ARID4A: variants seen among roughly 807,000 people sequenced by gnomAD.
The protein encoded by ARID4A is AT-rich interaction domain 4A.
Under a neutral mutation model 148.6 loss-of-function variants are expected in ARID4A, and 39 were observed. The ratio of observed to expected loss-of-function variants is 0.26; its 90% CI spans 0.20 to 0.34. ARID4A has a LOEUF of 0.34. Among genes scored for constraint, ARID4A ranks in the 10% least tolerant of loss-of-function variants. ARID4A has a pLI of 1.00. For synonymous variants in ARID4A, 475 were observed against 481.2 expected (o/e 0.99, Z 0.17); for missense variants, 1,265 against 1,449.1 (o/e 0.87, Z 2.06).
intron 17 of ARID4A, among the ~76,000 whole-genome samples, chr14:58,357,680 T>A (rs2034946896): frequency 6.6e-6 from 1 of 151,714 alleles, no homozygotes; most frequent in African/African-American, 2.4e-5. Flanking sequence ...CCAAGACAAT[T>A]CTTCTTCCAT....
intron 11 of ARID4A, among the ~76,000 whole-genome samples, chr14:58,337,545 A>G (rs765685530): frequency 1.0e-3 from 158 of 152,194 alleles, no homozygotes; most frequent in Non-Finnish European, 1.7e-3. Context: ...GGTTCTAGAA[A>G]GTTCACCTTG....
chr14:58,339,436 T>G (rs1249661214), intron 11 of ARID4A, among the ~76,000 whole-genome samples: 1 of 152,164 alleles, frequency 6.6e-6, no homozygotes, highest in East Asian at 1.9e-4. Context: ...GGCTCCGATA[T>G]GTTATACGCT....
In ARID4A at chr14:58,367,045, T is replaced by C. The variant is rs756032714; in HGVS notation, c.3670+16T>C. 1.9e-5 allele frequency: 27 copies of C among 1,442,116 alleles called. 1 individual carries two copies. The South Asian group carries it at 4.3e-4, about 23-fold the overall frequency. The allele number at this position is 1,442,116 out of a possible 1,614,324, so 89.3% of individuals were successfully genotyped here. Reference sequence around the variant, plus strand: ...GACAGGGAAGGTAATTTTATTATGATTTTTCTCCCCTTATATTTCAAAACT... The same window carrying C: ...GACAGGGAAGGTAATTTTATTATGACTTTTCTCCCCTTATATTTCAAAACT... On this transcript the variant is annotated intron_variant, in intron 23 of 23. Transcript: ENST00000355431.
intron 5 of ARID4A, among the ~76,000 whole-genome samples, chr14:58,311,326 A>G (rs2032013755): frequency 6.6e-6 from 1 of 152,216 alleles, no homozygotes; most frequent in Admixed American, 6.5e-5. Flanking sequence ...GCCCACAGGT[A>G]TGTAAAGAAC....
intron 11 of ARID4A, among the ~76,000 whole-genome samples, chr14:58,337,334 C>T (rs1488557806): frequency 6.8e-6 from 1 of 146,026 alleles, no homozygotes; most frequent in Non-Finnish European, 1.5e-5. Flanking sequence ...GTTCTCTCCT[C>T]CTCTAGACTG....
At chr14:58,331,994 T>TTC (rs1566691172) in intron 11 of ARID4A, among the ~76,000 whole-genome samples, 1 of 35,260 alleles carries the variant, frequency 2.8e-5, no homozygotes, top group Non-Finnish European at 6.2e-5. Flanking sequence ...GCATTTTCCC[T>TTC]ACCCCCCCCC....
At chr14:58,349,382 C>T (rs1444136350) in intron 15 of ARID4A, among the ~76,000 whole-genome samples, 1 of 151,930 alleles carries the variant, frequency 6.6e-6, no homozygotes, top group Non-Finnish European at 1.5e-5. Context: ...CGCGGTGGCT[C>T]ATGCCTGTAA....
chr14:58,346,590 G>T, intron 13 of ARID4A, 85 bp downstream of exon 13: 1 of 807,104 alleles, frequency 1.2e-6, no homozygotes. Flanking sequence ...ATGCACATTG[G>T]ATAATAAATA....
intron 5 of ARID4A, among the ~76,000 whole-genome samples, chr14:58,317,007 A>G (rs1047495942): frequency 4.6e-5 from 7 of 151,322 alleles, no homozygotes; most frequent in African/African-American, 1.7e-4. Flanking sequence ...CCTGGCTAAC[A>G]TGGTGAAACC....
chr14:58,307,132 A>G (rs1399045073), intron 5 of ARID4A, among the ~76,000 whole-genome samples: 1 of 152,206 alleles, frequency 6.6e-6, no homozygotes, highest in Non-Finnish European at 1.5e-5. Context: ...AAACTGCACA[A>G]TCCTGTGGAT....
In ARID4A at chr14:58,364,483, G is replaced by A; in HGVS notation, c.2394G>A (p.Lys798=). The A allele has an allele frequency of 1.2e-6, 2 of 1,612,642 alleles. No homozygotes were observed. The highest frequency in any genetic ancestry group is 1.7e-6 in the Non-Finnish European group (2 of 1,179,770). The change falls in exon 20 of 24, where the codon AAG becomes AAA. Residue 798 remains lysine, a synonymous_variant. Coordinates refer to ENST00000355431, the MANE Select transcript of ARID4A (RefSeq NM_002892.4). ...KSPKGKGRRS[K]TKDLSLEIIK... is the part of the protein sequence containing the mutation. ...CAAAAGGAAAGGGAAGACGAAGCAA[G>A]ACAAAAGATCTTTCTTTAGAAATTA...
Position 58,356,749 on chromosome 14 carries a change from T to C in ARID4A, c.1854-2383T>C, listed in dbSNP as rs370081571. Among the ~76,000 whole-genome samples, 9 of 151,208 alleles carry C rather than the reference T, an allele frequency of 6.0e-5. No homozygotes were observed. In the East Asian group the frequency reaches 1.6e-3, roughly 26 times the overall value. The stretch of plus-strand genomic sequence containing the variant: ...ACGGAGTCTTGCTCTGTCGCCAGGC[T>C]GGAGTGCAGTGGTGCGATCTGGGCT... On this transcript the variant is annotated intron_variant, in intron 17 of 23. Coordinates refer to ENST00000355431, the MANE Select transcript of ARID4A (RefSeq NM_002892.4).
In ARID4A at chr14:58,328,267, A is replaced by G. The variant is rs771424991; in HGVS notation, c.613A>G (p.Thr205Ala). Residue 205 changes from threonine to alanine, a missense_variant, in exon 9 of 24, where the codon ACA (threonine) becomes GCA (alanine). Transcript: ENST00000355431. ...ATCTCCCAGCTGTAATGATGACATC[A>G]CAGTGAAAAAGGATCAGTGTTTAGT... ...VISPSCNDDITVKKDQCLVRS... is the reference protein window; with the variant it reads ...VISPSCNDDIAVKKDQCLVRS... The G allele has an allele frequency of 3.1e-6, 5 of 1,603,930 alleles. No individual in the cohort carries two copies. The Admixed American group carries it at 8.3e-5, about 27-fold the overall frequency.
In ARID4A at chr14:58,301,583, G is replaced by A. The variant is rs1237100082; in HGVS notation, c.10G>A (p.Ala4Thr). 2 of 1,613,002 alleles carry A rather than the reference G, an allele frequency of 1.2e-6. No individual in the cohort carries two copies. The highest frequency in any genetic ancestry group is 1.7e-6 in the Non-Finnish European group (2 of 1,179,258). The change falls in exon 3 of 24, where the codon GCA (alanine) becomes ACA (threonine). Residue 4 changes from alanine (A) to threonine (T), a missense_variant. Around this residue, in one of 9 missense-constraint regions of ARID4A, gnomAD observed 22 missense variants for 43.8 expected, o/e 0.50. Coordinates refer to ENST00000355431, the MANE Select transcript of ARID4A (RefSeq NM_002892.4). ...AGTTTTATGTTCCTTTCACCAGGCG[G>A]CAGATGAGCCTGCCTACCTGACAGT... MKA[A>T]DEPAYLTVGT... is the part of the protein sequence containing the mutation.
chr14:58,298,992 G>A (rs1167508845), intron 1 of ARID4A, among the ~76,000 whole-genome samples: 1 of 152,196 alleles, frequency 6.6e-6, no homozygotes, highest in South Asian at 2.1e-4. Flanking sequence ...TGAAGAGCGG[G>A]CTGCTTGGGG....
intron 11 of ARID4A, among the ~76,000 whole-genome samples, chr14:58,338,862 G>A (rs976938047): frequency 3.3e-5 from 5 of 150,556 alleles, no homozygotes; most frequent in African/African-American, 1.2e-4. Flanking sequence ...ACAAAAAAAA[G>A]TCCTTTGGTA....
At chr14:58,361,986 T>C (rs192941575) in intron 19 of ARID4A, among the ~76,000 whole-genome samples, 77 of 152,342 alleles carry the variant, frequency 5.1e-4, no homozygotes, top group Non-Finnish European at 4.4e-5. Context: ...TAAAATTTAG[T>C]GATGTTTTCA....
chr14:58,316,178 C>T (rs1161488494), intron 5 of ARID4A, among the ~76,000 whole-genome samples: 10 of 152,060 alleles, frequency 6.6e-5, no homozygotes, highest in African/African-American at 2.4e-4. Flanking sequence ...TCTAAGATAT[C>T]AAATGAATGT....
rs1202944591 is a variant in ARID4A at position 58,318,794 on chromosome 14, T to C, written c.438T>C (p.Ser146=). 6.2e-7 allele frequency: 1 copy of C among 1,611,810 alleles called. No homozygotes were observed. Among genetic ancestry groups the C allele is most frequent in the Admixed American group, 1.7e-5 (1 of 60,002 alleles). ...AGAAGACGAACAGAGGAAGGAGATC[T>C]TCTCTTCCTGTGTGAGTTTTTTCAT... ...IAKKTNRGRR[S]SLPVTEDEKE... The change falls in exon 7 of 24, where the codon TCT becomes TCC. Residue 146 remains serine (S), a synonymous_variant. Transcript: ENST00000355431.
Sources: allele counts gnomAD v4.1 joint callset (sites outside exome capture counted in the v4.1 genomes callset), GRCh38; gene constraint gnomAD v4.1.1; regional missense constraint gnomAD v4.1.1; transcripts MANE v1.5; gene names NCBI Gene and HGNC (gene_info 2026-07-23, HGNC 2026-07-21).